TLE2: variants seen among roughly 807,000 people sequenced by gnomAD.
The protein encoded by TLE2 is TLE family member 2, transcriptional corepressor.
A neutral mutation model predicts 97.2 loss-of-function variants in TLE2; 74 were observed. The observed-to-expected ratio is 0.76, with a 90% CI of 0.63 to 0.92. The LOEUF is 0.92. Among genes scored for constraint, TLE2 ranks in the 40% least tolerant of loss-of-function variants. The pLI is 0.00. For missense variants in TLE2, 1,038 were observed against 1,008.7 expected, an observed-to-expected ratio of 1.03 and a Z score of -0.39; for synonymous variants, 499 against 432.1, an observed-to-expected ratio of 1.15 and a Z score of -1.92.
At chr19:3,040,170 C>A (rs751948574) in intron 1 of TLE2, among the ~76,000 whole-genome samples, 11 of 152,018 alleles carry the variant, frequency 7.2e-5, no homozygotes, top group Non-Finnish European at 1.6e-4. Flanking sequence ...TGGGGGTTCA[C>A]CCTCCTAGGA....
chr19:3,007,245 G>A (rs963582411), intron 14 of TLE2, among the ~76,000 whole-genome samples: 11 of 152,048 alleles, frequency 7.2e-5, no homozygotes, highest in African/African-American at 2.2e-4. Flanking sequence ...AGGCCACCAC[G>A]CCTGGCTAAT....
chr19:3,012,661 G>C (rs2089621184), intron 11 of TLE2, among the ~76,000 whole-genome samples: 1 of 152,174 alleles, frequency 6.6e-6, no homozygotes, highest in Non-Finnish European at 1.5e-5. Flanking sequence ...AGAGAGGGAG[G>C]TGTCACCCAG....
At chr19:3,017,782 A>G in intron 8 of TLE2, 58 bp downstream of exon 8, 1 of 1,564,754 alleles carries the variant, frequency 6.4e-7, no homozygotes, top group Non-Finnish European at 8.7e-7. Context: ...CCATCAGCTC[A>G]GAACCAGCGT....
chr19:3,035,955 C>G (rs2090059729), intron 1 of TLE2, among the ~76,000 whole-genome samples: 1 of 152,220 alleles, frequency 6.6e-6, no homozygotes, highest in African/African-American at 2.4e-5. Flanking sequence ...GGCCTATCTC[C>G]CCTTCAAAAC....
At chr19:3,036,135 GT>G (rs1002811375) in intron 1 of TLE2, among the ~76,000 whole-genome samples, 1 of 152,190 alleles carries the variant, frequency 6.6e-6, no homozygotes, top group Non-Finnish European at 1.5e-5. Flanking sequence ...AACGGTCTCA[GT>G]TTTACCCCCA....
At chr19:3,035,611 C>T (rs1305548933) in intron 1 of TLE2, among the ~76,000 whole-genome samples, 1 of 152,172 alleles carries the variant, frequency 6.6e-6, no homozygotes, top group Non-Finnish European at 1.5e-5. Flanking sequence ...TCAGCCTGGC[C>T]GCCCCAGCTA....
At position 3,036,156 on chromosome 19, in the gene TLE2, G is replaced by A. The variant is rs749545576; in HGVS notation, c.64-7353C>T. Among the ~76,000 whole-genome samples the A allele has an allele frequency of 2.0e-5, 3 of 152,220 alleles. No individual in the cohort carries two copies. In the South Asian group the frequency reaches 6.2e-4, roughly 31 times the overall value. ...CTCAGTTTTACCCCCAGGTGGGGGG[G>A]ATGGGCCTATAGGTAGTCAGGGGTG... On this transcript the variant is annotated intron_variant, in intron 1 of 18. Transcript: ENST00000426948.
Position 3,028,984 on chromosome 19 carries a change from G to C in TLE2, c.-80C>G, listed in dbSNP as rs2089993989. On this transcript the variant is annotated 5_prime_UTR_variant, in exon 1 of 20. Coordinates refer to ENST00000262953, the MANE Select transcript of TLE2 (RefSeq NM_003260.5). Reference sequence around the variant, plus strand: ...GGCAAGAGTGGGGGAGGCTGAAGTGGGGTGGTGGGGAGGCTGCCCGAAGAA... The same window carrying C: ...GGCAAGAGTGGGGGAGGCTGAAGTGCGGTGGTGGGGAGGCTGCCCGAAGAA... 5 of 1,562,434 alleles carry C rather than the reference G, an allele frequency of 3.2e-6. No homozygotes were observed. The highest frequency in any genetic ancestry group is 4.3e-6 in the Non-Finnish European group (5 of 1,155,388).
At chr19:3,015,820 T>C (rs751372665) in intron 8 of TLE2, 60 bp from the exon 9 acceptor site, 40 of 1,302,228 alleles carry the variant, frequency 3.1e-5, no homozygotes, top group African/African-American at 4.4e-5. Context: ...CTAGATTGCA[T>C]TGTGATCCAG....
At chr19:3,009,948 G>C (rs1329734300) in intron 12 of TLE2, among the ~76,000 whole-genome samples, 1 of 150,930 alleles carries the variant, frequency 6.6e-6, no homozygotes, top group African/African-American at 2.4e-5. Flanking sequence ...TCAGTGGCGC[G>C]ATCTCGGCTC....
upstream of TLE2, chr19:3,029,522 G>C (rs2090003758): frequency 4.1e-6 from 4 of 969,454 alleles, no homozygotes; most frequent in South Asian, 1.9e-4. Flanking sequence ...AGAAAAACCA[G>C]TGAAGAAATT....
chr19:3,033,675 T>C (rs1189698404), upstream of TLE2, among the ~76,000 whole-genome samples: 34 of 152,084 alleles, frequency 2.2e-4, no homozygotes, highest in Admixed American at 2.2e-3. Flanking sequence ...CAATGCTTGC[T>C]CAGAGCAGCC....
intron 17 of TLE2, among the ~76,000 whole-genome samples, chr19:3,005,076 T>C (rs1255048614): frequency 6.6e-6 from 1 of 151,926 alleles, no homozygotes; most frequent in Non-Finnish European, 1.5e-5. Context: ...TAGTCCTCAG[T>C]TGGGAAGTGT....
At chr19:3,028,175 C>T in intron 3 of TLE2, 144 bp downstream of exon 3, 1 of 906,160 alleles carries the variant, frequency 1.1e-6, no homozygotes. Flanking sequence ...GAGGACCCTC[C>T]TAGAGAGCCT....
rs758746429 is a variant in TLE2, at chr19:3,014,633, G to A, written c.679-19C>T. ...CGCTTTCCTGGGGGAAGATGGGGGA[G>A]AGAGCTCATTGTGGTCATGCCCCTG... On this transcript the variant is annotated intron_variant, in intron 9 of 19. Coordinates refer to ENST00000262953, the MANE Select transcript of TLE2 (RefSeq NM_003260.5). The A allele has an allele frequency of 1.7e-5, 27 of 1,588,118 alleles. No homozygotes were observed. In the South Asian group the frequency reaches 3.0e-4, roughly 18 times the overall value.
At chr19:3,041,000 T>TATATATATATATATATATATATATAC (rs1357746644) in intron 1 of TLE2, among the ~76,000 whole-genome samples, 1 of 31,514 alleles carries the variant, frequency 3.2e-5, no homozygotes, top group African/African-American at 2.0e-4. Context: ...TTTATATATA[T>TATATATATATATATATATATATATAC]ATATATATAT....
chr19:3,013,777 G>T lies in TLE2; in HGVS notation c.765C>A (p.Cys255Ter). 6.4e-7 allele frequency: 1 copy of T among 1,558,954 alleles called. No individual in the cohort carries two copies. Among genetic ancestry groups the T allele is most frequent in the Non-Finnish European group, 8.7e-7 (1 of 1,155,428 alleles). ...SEPPSPATTP[C>*]GKVPICIPAR... ...CAGGAATGCAGATGGGTACCTTTCC[G>T]CAGGGGGTGGTAGCCGGGCTGGGGG... The change falls in exon 11 of 20, where the codon TGC becomes TGA. Residue 255 changes from cysteine to a stop codon, truncating the protein, a stop_gained. Coordinates refer to ENST00000262953, the MANE Select transcript of TLE2 (RefSeq NM_003260.5). LOFTEE classifies it high-confidence loss of function.
upstream of TLE2, among the ~76,000 whole-genome samples, chr19:3,033,179 T>TC (rs1275934926): frequency 6.6e-6 from 1 of 151,478 alleles, no homozygotes; most frequent in East Asian, 1.9e-4. Context: ...CTGGCTAATT[T>TC]TTTTTTTTAA....
rs1362787987 is a variant in TLE2 at position 3,005,359 on chromosome 19, G to T, written c.1896+78C>A. ...GTCCTGTCCTGTCCTGCCTCTGGAA[G>T]TGGGCACCTCACAAGGAGAGGAAGG... is the stretch of plus-strand genomic sequence containing the variant. On this transcript the variant is annotated intron_variant, in intron 17 of 19. Transcript: ENST00000262953. The T allele has an allele frequency of 1.9e-6, 3 of 1,542,940 alleles. No homozygotes were observed. The African/African-American group carries it at 4.1e-5, about 21-fold the overall frequency.
Sources: allele counts gnomAD v4.1 joint callset (sites outside exome capture counted in the v4.1 genomes callset), GRCh38; gene constraint gnomAD v4.1.1; transcripts MANE v1.5; gene names NCBI Gene and HGNC (gene_info 2026-07-23, HGNC 2026-07-21).